PKD1L1: variants seen among roughly 807,000 people sequenced by gnomAD.
PKD1L1 encodes polycystin-1-like protein 1.
A neutral mutation model predicts 323.4 loss-of-function variants in PKD1L1; 236 were observed. That is an observed-to-expected ratio of 0.73 (90% CI 0.66 to 0.81). The LOEUF (loss-of-function observed/expected upper bound fraction) is 0.81. PKD1L1 is among the 40% of genes least tolerant of loss of function. The pLI is 0.00. For synonymous variants in PKD1L1, 1,344 were observed against 1,335.0 expected, an observed-to-expected ratio of 1.01 and a Z score of -0.15; for missense variants, 3,320 against 3,508.0, an observed-to-expected ratio of 0.95 and a Z score of 1.35.
At chr7:47,790,868 CG>C (rs970028043) in intron 56 of PKD1L1, among the ~76,000 whole-genome samples, 2 of 151,804 alleles carry the variant, frequency 1.3e-5, no homozygotes, top group African/African-American at 4.8e-5. Flanking sequence ...GTAATCTTTC[CG>C]TCTCAGCCTC....
In PKD1L1 at chr7:47,946,472, GCACACAC is replaced by G. The variant is rs1392909430; in HGVS notation, c.44+1918_44+1924del. ...CATACCCACCCACCACACACACATCGCACACACCACACACCACGCACCACACAAACAC... is the reference window on the plus strand; with the variant it reads ...CATACCCACCCACCACACACACATCGCACACACCACGCACCACACAAACAC... On this transcript the variant is annotated intron_variant, in intron 1 of 56. Transcript: ENST00000289672. This position sits in a 1 kb window ranked among gnomAD's most constrained non-coding sequence, Gnocchi z 4.1. Among the ~76,000 whole-genome samples the G allele has an allele frequency of 7.2e-6, 1 of 138,790 alleles. No homozygotes were observed. The highest frequency in any genetic ancestry group is 1.6e-5 in the Non-Finnish European group (1 of 64,046). The allele number at this position is 138,790 out of a possible 152,430, so 91.1% of individuals were successfully genotyped here. A position where few individuals can be genotyped will look rare whatever the true frequency, so the allele number is the denominator to read the frequency against.
intron 56 of PKD1L1, among the ~76,000 whole-genome samples, chr7:47,789,448 T>C (rs1006442157): frequency 6.6e-6 from 1 of 152,262 alleles, no homozygotes; most frequent in African/African-American, 2.4e-5. Context: ...AATTTGTCAA[T>C]TTAATTGTTC....
chr7:47,959,774 C>T, the PKD1L1 span, among the ~76,000 whole-genome samples: 15 of 146,900 alleles, frequency 1.0e-4, no homozygotes, highest in African/African-American at 3.5e-4. Flanking sequence ...CCCGGCCAGC[C>T]GCCCCGTCCG....
chr7:47,779,749 G>A (rs900165203), intron 56 of PKD1L1, among the ~76,000 whole-genome samples: 1 of 152,140 alleles, frequency 6.6e-6, no homozygotes, highest in Non-Finnish European at 1.5e-5. Flanking sequence ...AATCTCATTA[G>A]GTAGAAATCT....
In PKD1L1 at chr7:47,880,133, CA is replaced by C. The variant is rs1170043040; in HGVS notation, c.3520+594del. Among the ~76,000 whole-genome samples, 5 of 142,452 alleles carry C rather than the reference CA, an allele frequency of 3.5e-5. No individual in the cohort carries two copies. The East Asian group carries it at 5.9e-4, about 17-fold the overall frequency. 93.5% of individuals were successfully genotyped at this position (142,452 alleles called of 152,430 possible). ...TGAATTTCAATGAACATCAGTGGCA[CA>C]AAACAAGCAATAACACCTTTCTAGG... On this transcript the variant is annotated intron_variant, in intron 21 of 56. Transcript: ENST00000289672.
chr7:47,924,025 G>T (rs1018264726), intron 7 of PKD1L1, among the ~76,000 whole-genome samples: 13 of 151,898 alleles, frequency 8.6e-5, no homozygotes, highest in African/African-American at 3.1e-4. Context: ...CAAAAATCTA[G>T]TATCAAGTTT....
chr7:47,910,904 T>C (rs1040784219), intron 8 of PKD1L1, among the ~76,000 whole-genome samples: 6 of 150,228 alleles, frequency 4.0e-5, no homozygotes, highest in Non-Finnish European at 7.4e-5. Context: ...GCCAAGCTGG[T>C]CTCGAACTCC....
chr7:47,833,001 A>C (rs891349731), intron 41 of PKD1L1, 89 bp downstream of exon 41: 8 of 1,474,304 alleles, frequency 5.4e-6, no homozygotes, highest in Non-Finnish European at 7.3e-6. Flanking sequence ...CATTTGGCCC[A>C]ATTGTGACTC....
At chr7:47,876,694 C>T (rs961404963) in intron 22 of PKD1L1, among the ~76,000 whole-genome samples, 3 of 152,166 alleles carry the variant, frequency 2.0e-5, no homozygotes, top group Admixed American at 2.0e-4. Context: ...AGGTCAGTGT[C>T]CTGGCTGAGA....
At chr7:47,938,111 G>A (rs1259435732) in intron 3 of PKD1L1, among the ~76,000 whole-genome samples, 1 of 152,146 alleles carries the variant, frequency 6.6e-6, no homozygotes, top group African/African-American at 2.4e-5. Context: ...TGGCTCTTGA[G>A]AGAGCTGTTA....
intron 17 of PKD1L1, 40 bp downstream of exon 17, chr7:47,887,950 T>C: frequency 6.4e-7 from 1 of 1,574,134 alleles, no homozygotes; most frequent in Non-Finnish European, 8.7e-7. Context: ...CCCTGAGTTT[T>C]TCCCTCAGAA....
intron 7 of PKD1L1, among the ~76,000 whole-genome samples, chr7:47,926,503 T>C (rs1787658952): frequency 1.3e-5 from 2 of 152,212 alleles, no homozygotes; most frequent in South Asian, 2.1e-4. Flanking sequence ...TCTTAGGACC[T>C]CCTGGAGCTG....
At position 47,803,243 on chromosome 7, in the gene PKD1L1, C is replaced by T; in HGVS notation, c.7929G>A (p.Met2643Ile). Residue 2643 changes from methionine (M) to isoleucine (I), a missense_variant, in exon 53 of 57, where the codon ATG becomes ATA. Coordinates refer to ENST00000289672, the MANE Select transcript of PKD1L1 (RefSeq NM_138295.5). ...CAAAGATGCTGGGGAGTGAGTGGCG[C>T]ATCATGGAGGAGCAGGATGCCATTG... Reference protein sequence around the residue: ...QNTMASCSSMMRHSLPSIFVA... With the variant: ...QNTMASCSSMIRHSLPSIFVA... 6.2e-7 allele frequency: 1 copy of T among 1,614,058 alleles called. No homozygotes were observed. Among genetic ancestry groups the T allele is most frequent in the Non-Finnish European group, 8.5e-7 (1 of 1,180,016 alleles).
chr7:47,950,237 T>C (rs574267048), upstream of PKD1L1, among the ~76,000 whole-genome samples: 137 of 152,280 alleles, frequency 9.0e-4, no homozygotes, highest in South Asian at 2.7e-3. Flanking sequence ...CTGGCATCCA[T>C]ACCCACACGC....
At chr7:47,825,267 T>A (rs760684572) in intron 45 of PKD1L1, among the ~76,000 whole-genome samples, 3 of 150,612 alleles carry the variant, frequency 2.0e-5, no homozygotes, top group Non-Finnish European at 4.5e-5. Flanking sequence ...TGGTGGCTCA[T>A]GCCTATAATC....
rs1334290347 is a variant in PKD1L1 at position 47,774,773 on chromosome 7, G to A, written c.*370C>T. The stretch of plus-strand genomic sequence containing the variant: ...TCCTGGTCTCTTTCATCGCTTTTAT[G>A]AGACCTGAAAGAAATTTCACAAGAT... On this transcript the variant is annotated 3_prime_UTR_variant, in exon 57 of 57. Transcript: ENST00000289672. 1 of 173,784 alleles carries A rather than the reference G, an allele frequency of 5.8e-6. No homozygotes were observed. The highest frequency in any genetic ancestry group is 1.2e-5 in the Non-Finnish European group (1 of 82,798). The allele number at this position is 173,784 out of a possible 1,614,324, so 10.8% of individuals were successfully genotyped here.
intron 56 of PKD1L1, among the ~76,000 whole-genome samples, chr7:47,780,253 T>TCTTC (rs1481916673): frequency 6.6e-6 from 1 of 152,168 alleles, no homozygotes; most frequent in Non-Finnish European, 1.5e-5. Flanking sequence ...ACCTAAGCCT[T>TCTTC]CTTCCTTCCT....
intron 54 of PKD1L1, among the ~76,000 whole-genome samples, chr7:47,800,414 T>A (rs1022692011): frequency 1.3e-5 from 2 of 152,134 alleles, no homozygotes; most frequent in African/African-American, 4.8e-5. Context: ...CTGGAGGAAG[T>A]GGCACCCTGG....
At chr7:47,905,005 A>C in intron 11 of PKD1L1, 152 bp downstream of exon 11, 2 of 819,058 alleles carry the variant, frequency 2.4e-6, no homozygotes, top group Non-Finnish European at 3.8e-6. Context: ...CTTAAATCTT[A>C]TGTTGAGTTT....
Sources: allele counts gnomAD v4.1 joint callset (sites outside exome capture counted in the v4.1 genomes callset), GRCh38; gene constraint gnomAD v4.1.1; non-coding constraint Gnocchi (gnomAD v3.1); transcripts MANE v1.5; gene names NCBI Gene and HGNC (gene_info 2026-07-23, HGNC 2026-07-21).